The following DNAH14 variants were observed in gnomAD, a reference collection of about 807,000 sequenced individuals.
DNAH14 encodes axonemal beta dynein heavy chain 14.
In DNAH14, 478 loss-of-function variants were observed where a neutral mutation model predicts 520.9. The ratio of observed to expected loss-of-function variants is 0.92; its 90% CI spans 0.85 to 0.99. DNAH14 has a LOEUF of 0.99. Ranked by LOEUF, DNAH14 falls within the 50% of genes least tolerant of loss-of-function variation. DNAH14 has a pLI of 0.00. For missense variants in DNAH14, 4,831 were observed against 5,234.5 expected, an observed-to-expected ratio of 0.92 and a Z score of 2.38; for synonymous variants, 1,581 against 1,757.2, an observed-to-expected ratio of 0.90 and a Z score of 2.51.
At chr1:225,143,600 T>A (rs2079644130) in intron 28 of DNAH14, among the ~76,000 whole-genome samples, 1 of 152,146 alleles carries the variant, frequency 6.6e-6, no homozygotes, top group South Asian at 2.1e-4. Context: ...GTGTAAGAGC[T>A]TTGATGACTA....
rs555158670 is a variant in DNAH14 at position 225,020,525 on chromosome 1, A to G, written c.1108-3090A>G. On this transcript the variant is annotated intron_variant, in intron 10 of 85. Coordinates refer to ENST00000682510, the MANE Select transcript of DNAH14 (RefSeq NM_001367479.1). Reference sequence around the variant, plus strand: ...AAAAAAAAAAAAAAAAACAACTCAAAGGCTACTATAAACACCTCTTTGCAT... The same window carrying G: ...AAAAAAAAAAAAAAAAACAACTCAAGGGCTACTATAAACACCTCTTTGCAT... 8.2e-4 allele frequency among the ~76,000 whole-genome samples: 107 copies of G among 130,770 alleles called. No homozygotes were observed. In the East Asian group the frequency reaches 0.016, roughly 20 times the overall value. 85.8% of individuals were successfully genotyped at this position (130,770 alleles called of 152,430 possible). A position where few individuals can be genotyped will look rare whatever the true frequency, so the allele number is the denominator to read the frequency against.
intron 21 of DNAH14, among the ~76,000 whole-genome samples, chr1:225,091,841 A>G (rs2074425670): frequency 6.6e-6 from 1 of 152,148 alleles, no homozygotes; most frequent in Non-Finnish European, 1.5e-5. Flanking sequence ...CTTAACTGCA[A>G]GGACATCATA....
chr1:225,131,520 T>A (rs1289271556), intron 27 of DNAH14, among the ~76,000 whole-genome samples: 1 of 152,198 alleles, frequency 6.6e-6, no homozygotes, highest in African/African-American at 2.4e-5. Flanking sequence ...TACCCAGTTT[T>A]ATGATTACAT....
In DNAH14 at chr1:225,038,764, A is replaced by G. The variant is rs1180731951; in HGVS notation, c.1429A>G (p.Lys477Glu). 3 of 1,536,372 alleles carry G rather than the reference A, an allele frequency of 2.0e-6. No homozygotes were observed. The highest frequency in any genetic ancestry group is 2.6e-6 in the Non-Finnish European group (3 of 1,141,696). The change falls in exon 12 of 86, where the codon AAG becomes GAG. Residue 477 changes from lysine to glutamate, a missense_variant. Lys to Glu is a moderately conservative substitution (Grantham distance 56). Transcript: ENST00000682510. Reference protein sequence around the residue: ...NDCEELVDNSKLHAISVQKSE... With the variant: ...NDCEELVDNSELHAISVQKSE... ...TTGTGAAGAACTTGTTGATAATTCA[A>G]AGTTACATGCTATTTCTGTTCAAAA...
intron 16 of DNAH14, among the ~76,000 whole-genome samples, chr1:225,050,657 A>G (rs1274069504): frequency 2.0e-5 from 3 of 152,186 alleles, no homozygotes; most frequent in Admixed American, 1.3e-4. Context: ...TCTTTCCATT[A>G]GCATCAACTG....
intron 30 of DNAH14, among the ~76,000 whole-genome samples, chr1:225,146,312 C>T (rs1022183299): frequency 3.3e-5 from 5 of 152,198 alleles, no homozygotes; most frequent in Non-Finnish European, 5.9e-5. Context: ...ACATCCTTCT[C>T]GGTCTGAGGC....
At chr1:225,176,439 A>G (rs1360498577) in intron 36 of DNAH14, among the ~76,000 whole-genome samples, 2 of 152,184 alleles carry the variant, frequency 1.3e-5, no homozygotes, top group African/African-American at 4.8e-5. Context: ...TGTTGGGGGA[A>G]ATATTCTATT....
At chr1:225,127,886 T>C (rs539236375) in intron 27 of DNAH14, among the ~76,000 whole-genome samples, 15 of 152,310 alleles carry the variant, frequency 9.8e-5, no homozygotes, top group Admixed American at 3.3e-4. Context: ...CTTCAGGAGC[T>C]CTTTTAGGGC....
intron 49 of DNAH14, among the ~76,000 whole-genome samples, chr1:225,270,453 C>G (rs1404425968): frequency 3.3e-5 from 5 of 151,990 alleles, no homozygotes; most frequent in Non-Finnish European, 7.4e-5. Context: ...CACATGTACC[C>G]TAGAATTTAA....
intron 4 of DNAH14, 59 bp downstream of exon 4, chr1:224,960,361 G>T: frequency 7.0e-7 from 1 of 1,423,066 alleles, no homozygotes; most frequent in South Asian, 1.8e-5. Flanking sequence ...AGATTATTCT[G>T]TGGTTTGTGT....
chr1:225,224,797 C>G (rs751505183), intron 41 of DNAH14, among the ~76,000 whole-genome samples: 8 of 152,172 alleles, frequency 5.3e-5, no homozygotes, highest in Non-Finnish European at 1.0e-4. Flanking sequence ...GAGGTTGGAG[C>G]CTTAATATTG....
At chr1:225,186,361 G>A (rs1013930913) in intron 37 of DNAH14, among the ~76,000 whole-genome samples, 1 of 151,678 alleles carries the variant, frequency 6.6e-6, no homozygotes, top group African/African-American at 2.4e-5. Context: ...TAACTAATAA[G>A]AGGTGAATTA....
chr1:225,342,652 A>G (rs2095212706), intron 69 of DNAH14, among the ~76,000 whole-genome samples: 1 of 151,402 alleles, frequency 6.6e-6, no homozygotes, highest in Non-Finnish European at 1.5e-5. Flanking sequence ...CACTTAAAAC[A>G]CAGTATTTAT....
intron 21 of DNAH14, among the ~76,000 whole-genome samples, chr1:225,086,114 C>T (rs1558910642): frequency 2.0e-5 from 3 of 150,906 alleles, no homozygotes; most frequent in Non-Finnish European, 4.4e-5. Context: ...TGTGGTAATA[C>T]ACCTAATAAT....
intron 64 of DNAH14, among the ~76,000 whole-genome samples, chr1:225,328,796 G>A (rs77060572): frequency 2.0e-4 from 30 of 152,202 alleles, no homozygotes; most frequent in African/African-American, 6.3e-4. Context: ...TCACTAGGTC[G>A]TAAGTAACAG....
chr1:225,025,869 A>G (rs902232433), intron 11 of DNAH14, among the ~76,000 whole-genome samples: 26 of 152,222 alleles, frequency 1.7e-4, no homozygotes, highest in African/African-American at 6.0e-4. Context: ...TCTTAACAAT[A>G]TTGATTAGTA....
chr1:225,238,537 G>A (rs2091757098), intron 42 of DNAH14, among the ~76,000 whole-genome samples: 2 of 152,138 alleles, frequency 1.3e-5, no homozygotes, highest in Admixed American at 6.5e-5. Flanking sequence ...CGGCCTGAAC[G>A]CTCCTATAGG....
At chr1:225,092,907 A>G (rs955555375) in intron 21 of DNAH14, among the ~76,000 whole-genome samples, 1 of 152,184 alleles carries the variant, frequency 6.6e-6, no homozygotes, top group Non-Finnish European at 1.5e-5. Context: ...CTATGCACAC[A>G]GACTAGAAAC....
At chr1:225,272,912 G>C in intron 51 of DNAH14, 43 bp from the exon 52 acceptor site, 1 of 1,482,494 alleles carries the variant, frequency 6.7e-7, no homozygotes, top group African/African-American at 1.4e-5. Context: ...ATACTACCCT[G>C]CTAATTTTTT....
Sources: allele counts gnomAD v4.1 joint callset (sites outside exome capture counted in the v4.1 genomes callset), GRCh38; gene constraint gnomAD v4.1.1; transcripts MANE v1.5; gene names NCBI Gene and HGNC (gene_info 2026-07-23, HGNC 2026-07-21).